ESRRG: variants seen among roughly 807,000 people sequenced by gnomAD.
ESRRG encodes estrogen related receptor gamma, also known as estrogen-related receptor gamma.
Under a neutral mutation model 44.0 loss-of-function variants are expected in ESRRG, and 13 were observed. That is an observed-to-expected ratio of 0.30 (90% CI 0.19 to 0.47). ESRRG has a LOEUF of 0.47. Ranked by LOEUF, ESRRG falls within the 20% of genes least tolerant of loss-of-function variation. The probability of loss-of-function intolerance (pLI) is 1.00; values close to 1 mark genes in which losing one functional copy is unlikely to be tolerated. For synonymous variants in ESRRG, 215 were observed against 214.6 expected (o/e 1.00, Z -0.02); for missense variants, 395 against 580.6 (o/e 0.68, Z 3.29).
At chr1:216,795,654 A>G (rs2094453247) in intron 2 of ESRRG, among the ~76,000 whole-genome samples, 1 of 151,956 alleles carries the variant, frequency 6.6e-6, no homozygotes, top group African/African-American at 2.4e-5. Flanking sequence ...AAATTTTAAT[A>G]TATATATTTA....
intron 1 of ESRRG, among the ~76,000 whole-genome samples, chr1:217,096,111 G>A (rs923416419): frequency 4.6e-5 from 7 of 152,100 alleles, no homozygotes; most frequent in Admixed American, 2.6e-4. Flanking sequence ...AATAGTGTTG[G>A]TGACTTTAAA....
chr1:217,093,904 A>G (rs1484657284), upstream of ESRRG, among the ~76,000 whole-genome samples: 1 of 152,094 alleles, frequency 6.6e-6, no homozygotes, highest in African/African-American at 2.4e-5. Flanking sequence ...ATTATCTGAG[A>G]CAGGATCTGG....
rs555901774 is a variant in ESRRG, at chr1:216,783,783, A to G, written c.-13-106292T>C. ...GACTTCCCAAAATTCTTCCCATAGG[A>G]CTCCTACTTAAGCTTTGTCCTGACT... is the stretch of plus-strand genomic sequence containing the variant. On this transcript the variant is annotated intron_variant, in intron 2 of 7. Transcript: ENST00000359162. Among the ~76,000 whole-genome samples, 16 of 151,790 alleles carry G rather than the reference A, an allele frequency of 1.1e-4. No individual in the cohort carries two copies. In the South Asian group the frequency reaches 3.3e-3, roughly 32 times the overall value.
Position 216,827,210 on chromosome 1 carries a change from A to G in ESRRG, c.-14+112372T>C, listed in dbSNP as rs1370143. On this transcript the variant is annotated intron_variant, in intron 2 of 7. Coordinates refer to the ESRRG transcript ENST00000359162. ...TACAGTAGATATGCATTATATTGTT[A>G]CTAAAAGAATTAGTTTAAAAATAAC... is the stretch of plus-strand genomic sequence containing the variant. Among the ~76,000 whole-genome samples the G allele has an allele frequency of 3.3e-5, 5 of 152,146 alleles. No homozygotes were observed. In the East Asian group the frequency reaches 7.7e-4, roughly 23 times the overall value.
intron 1 of ESRRG, among the ~76,000 whole-genome samples, chr1:216,948,902 T>C (rs1490789492): frequency 1.3e-5 from 2 of 152,178 alleles, no homozygotes; most frequent in African/African-American, 4.8e-5. Context: ...TGGTGCACTT[T>C]TTCAAGGATC....
chr1:217,093,741 C>T (rs2151554457), upstream of ESRRG, among the ~76,000 whole-genome samples: 1 of 151,740 alleles, frequency 6.6e-6, no homozygotes, highest in South Asian at 2.1e-4. Flanking sequence ...GGTGATCGCA[C>T]CACTGCACTC....
intron 5 of ESRRG, 115 bp from the exon 6 acceptor site, chr1:216,519,536 G>A (rs1383323470): frequency 6.0e-6 from 6 of 997,126 alleles, no homozygotes; most frequent in Middle Eastern, 2.9e-4. Context: ...GCTGAGCTTT[G>A]ATTAGAAGCT....
At chr1:217,012,875 T>C (rs932265394) in intron 1 of ESRRG, among the ~76,000 whole-genome samples, 2 of 152,198 alleles carry the variant, frequency 1.3e-5, no homozygotes, top group Admixed American at 6.5e-5. Flanking sequence ...ACCACAGTAA[T>C]ATATTATCTC....
At chr1:216,908,804 C>T in intron 2 of ESRRG, among the ~76,000 whole-genome samples, 1 of 147,118 alleles carries the variant, frequency 6.8e-6, no homozygotes, top group African/African-American at 2.5e-5. Flanking sequence ...AGGTACAAGG[C>T]AATGTGCCGT....
rs567693868 is a variant in ESRRG at position 216,852,807 on chromosome 1, T to C, written c.-14+86775A>G. Among the ~76,000 whole-genome samples, 3 of 152,290 alleles carry C rather than the reference T, an allele frequency of 2.0e-5. No homozygotes were observed. In the East Asian group the frequency reaches 5.8e-4, roughly 29 times the overall value. On this transcript the variant is annotated intron_variant, in intron 2 of 7. Transcript: ENST00000359162. ...GTCTAGAGATAGGACTCATCCTACC[T>C]TATCTTCTTACTTCTTCCCACCAGG...
chr1:217,112,492 G>A (rs1007393871), intron 1 of ESRRG, among the ~76,000 whole-genome samples: 2 of 152,182 alleles, frequency 1.3e-5, no homozygotes, highest in Non-Finnish European at 2.9e-5. Context: ...CTACAGTAAC[G>A]TGGAAAATAG....
intron 2 of ESRRG, among the ~76,000 whole-genome samples, chr1:216,932,962 C>A (rs1415943438): frequency 6.6e-6 from 1 of 151,788 alleles, no homozygotes; most frequent in Non-Finnish European, 1.5e-5. Flanking sequence ...AGATAACTAT[C>A]CTACAGGAGT....
chr1:216,663,830 G>A (rs1031581034), intron 2 of ESRRG, among the ~76,000 whole-genome samples: 2 of 152,024 alleles, frequency 1.3e-5, no homozygotes, highest in African/African-American at 2.4e-5. Flanking sequence ...CATCAGTGGC[G>A]ACAGATTTTT....
At chr1:216,801,987 A>T (rs1214994070) in intron 2 of ESRRG, among the ~76,000 whole-genome samples, 1 of 152,190 alleles carries the variant, frequency 6.6e-6, no homozygotes, top group Non-Finnish European at 1.5e-5. Context: ...AAATGAGTTC[A>T]TTGTACACTT....
intron 6 of ESRRG, among the ~76,000 whole-genome samples, chr1:216,516,866 A>C (rs529957088): frequency 1.3e-5 from 2 of 152,292 alleles, no homozygotes; most frequent in African/African-American, 4.8e-5. Flanking sequence ...GAATAAAATA[A>C]CATCATATTA....
At chr1:216,681,765 TAGAG>T (rs374137306) in intron 1 of ESRRG, 67 of 105,914 alleles carry the variant, frequency 6.3e-4, no homozygotes, top group African/African-American at 1.6e-3. Context: ...TGTGTGCACA[TAGAG>T]AGAGTGAGAG....
At chr1:216,820,632 G>A (rs888531906) in intron 2 of ESRRG, among the ~76,000 whole-genome samples, 4 of 152,190 alleles carry the variant, frequency 2.6e-5, no homozygotes, top group African/African-American at 9.7e-5. Context: ...ACAGCAGGTG[G>A]TTCAGCTGCT....
At chr1:216,864,230 GT>G in intron 2 of ESRRG, 1 of 151,154 alleles carries the variant, frequency 6.6e-6, no homozygotes, top group East Asian at 2.0e-4. Flanking sequence ...GACAAATCAA[GT>G]TTCCCAATTC....
intron 3 of ESRRG, among the ~76,000 whole-genome samples, chr1:216,613,510 G>A (rs867029026): frequency 5.7e-4 from 87 of 152,212 alleles, no homozygotes; most frequent in African/African-American, 2.0e-3. Flanking sequence ...ACAAAATGAC[G>A]TGGAAAGCAC....
Sources: allele counts gnomAD v4.1 joint callset (sites outside exome capture counted in the v4.1 genomes callset), GRCh38; gene constraint gnomAD v4.1.1; transcripts MANE v1.5; gene names NCBI Gene and HGNC (gene_info 2026-07-23, HGNC 2026-07-21).